DNAI3: variants seen among roughly 807,000 people sequenced by gnomAD.
The protein encoded by DNAI3 is WD repeat domain 63.
DNAI3 carries 83 observed loss-of-function variants against 115.5 expected under a neutral mutation model. The ratio of observed to expected loss-of-function variants is 0.72; its 90% CI spans 0.60 to 0.86. The LOEUF is 0.86. DNAI3 is among the 40% of genes least tolerant of loss of function. The pLI is 0.00. For missense variants in DNAI3, 1,004 were observed against 1,075.8 expected (o/e 0.93, Z 0.93); for synonymous variants, 320 against 347.0 (o/e 0.92, Z 0.86).
At chr1:85,130,894 T>A (rs900745603) in intron 22 of DNAI3, among the ~76,000 whole-genome samples, 2 of 152,194 alleles carry the variant, frequency 1.3e-5, no homozygotes, top group Non-Finnish European at 2.9e-5. Flanking sequence ...TTCTCCCTGT[T>A]TGATACGAAT....
At chr1:85,100,803 A>G (rs1459869436) in intron 13 of DNAI3, among the ~76,000 whole-genome samples, 1 of 152,228 alleles carries the variant, frequency 6.6e-6, no homozygotes. Flanking sequence ...ATAAAAAATG[A>G]TGAGTTCATG....
chr1:85,126,611 G>C lies in DNAI3; in HGVS notation c.2213G>C (p.Gly738Ala). Residue 738 changes from glycine to alanine, a missense_variant, in exon 20 of 23, where the codon GGA (glycine) becomes GCA (alanine). By Grantham distance (60) the Gly-to-Ala change is moderately conservative. Transcript: ENST00000294664. Reference sequence around the variant, plus strand: ...GTTTTCTACATCGGCCGAGAAGATGGATACATTGATATCTGGGACCTTCTG... The same window carrying C: ...GTTTTCTACATCGGCCGAGAAGATGCATACATTGATATCTGGGACCTTCTG... ...PGVFYIGRED[G>A]YIDIWDLLEK... The C allele has an allele frequency of 6.2e-7, 1 of 1,614,156 alleles. No individual in the cohort carries two copies. Among genetic ancestry groups the C allele is most frequent in the Non-Finnish European group, 8.5e-7 (1 of 1,180,008 alleles).
chr1:85,079,901 T>C (rs1571161047), intron 3 of DNAI3, among the ~76,000 whole-genome samples: 1 of 151,790 alleles, frequency 6.6e-6, no homozygotes, highest in Non-Finnish European at 1.5e-5. Context: ...TGTCCAAGGG[T>C]TTATTAATAC....
chr1:85,114,667 G>A (rs1032605627), intron 16 of DNAI3, among the ~76,000 whole-genome samples: 15 of 152,292 alleles, frequency 9.8e-5, no homozygotes, highest in African/African-American at 2.9e-4. Context: ...TCACACTGCC[G>A]ACTATCCGCC....
At chr1:85,094,375 AC>A (rs2100581885) in intron 9 of DNAI3, 55 bp from the exon 10 acceptor site, 5 of 1,603,132 alleles carry the variant, frequency 3.1e-6, no homozygotes, top group Admixed American at 1.7e-5. Context: ...AAAGCTAGAG[AC>A]ATCTCTCCAT....
In DNAI3 at chr1:85,085,834, A is replaced by G; in HGVS notation, c.544A>G (p.Thr182Ala). Reference protein sequence around the residue: ...ESVTESTKQITYMISRKRSEF... With the variant: ...ESVTESTKQIAYMISRKRSEF... ...TTACTGTTTACATGTGTTACAGATT[A>G]CATATATGATTTCTCGAAAACGAAG... The change falls in exon 7 of 23, where the codon ACA becomes GCA. Residue 182 changes from threonine (T) to alanine (A), a missense_variant. Physicochemically the swap from Thr to Ala is moderately conservative, Grantham distance 58 (BLOSUM62 0). This residue lies in a region of DNAI3 where 550 missense variants were observed against 568.1 expected (regional missense o/e 0.97). Transcript: ENST00000294664. The G allele has an allele frequency of 6.2e-7, 1 of 1,613,676 alleles. No homozygotes were observed. The highest frequency in any genetic ancestry group is 1.3e-5 in the African/African-American group (1 of 75,044).
intron 11 of DNAI3, 99 bp downstream of exon 11, chr1:85,096,119 C>A: frequency 9.1e-7 from 1 of 1,095,864 alleles, no homozygotes; most frequent in Non-Finnish European, 1.4e-6. Flanking sequence ...TTCAATTCAG[C>A]AGAAGGAAGG....
chr1:85,117,852 G>C lies in DNAI3; in HGVS notation c.1910G>C (p.Gly637Ala), dbSNP rs752696977. The C allele has an allele frequency of 6.2e-6, 10 of 1,611,884 alleles. No individual in the cohort carries two copies. In the South Asian group the frequency reaches 8.8e-5, roughly 14 times the overall value. ...IDDFCTKFFVGTEEGEVIYTD... is the reference protein window; with the variant it reads ...IDDFCTKFFVATEEGEVIYTD... ...GACTTCTGCACAAAGTTCTTTGTGG[G>C]AACAGAGGTAAATTGGGATTATCTG... Residue 637 changes from glycine to alanine, a missense_variant, in exon 17 of 23, where the codon GGA becomes GCA. Coordinates refer to ENST00000294664, the MANE Select transcript of DNAI3 (RefSeq NM_145172.5).
chr1:85,083,574 A>G (rs938335620), intron 5 of DNAI3, among the ~76,000 whole-genome samples: 7 of 152,144 alleles, frequency 4.6e-5, no homozygotes, highest in Admixed American at 6.5e-5. Context: ...TTTTATTTTT[A>G]TGATTGTTGT....
At chr1:85,076,871 TAGGC>T (rs1654471943) in intron 3 of DNAI3, among the ~76,000 whole-genome samples, 1 of 152,176 alleles carries the variant, frequency 6.6e-6, no homozygotes, top group South Asian at 2.1e-4. Flanking sequence ...GCTTTGGAAT[TAGGC>T]AGACCTGGTT....
At chr1:85,100,101 CA>C (rs201725283) in intron 13 of DNAI3, among the ~76,000 whole-genome samples, 50,453 of 151,888 alleles carry the variant, frequency 0.33, 8,790 homozygotes, top group South Asian at 0.42. Context: ...GCAATGGCAA[CA>C]AAAGCCAAAA....
intron 16 of DNAI3, among the ~76,000 whole-genome samples, chr1:85,116,348 C>A (rs1655815747): frequency 6.6e-6 from 1 of 152,220 alleles, no homozygotes; most frequent in Non-Finnish European, 1.5e-5. Flanking sequence ...TTTTCCTTTA[C>A]ATTTATCGCA....
chr1:85,102,947 C>A (rs973947176), intron 13 of DNAI3, among the ~76,000 whole-genome samples: 4 of 152,138 alleles, frequency 2.6e-5, no homozygotes, highest in Admixed American at 2.0e-4. Context: ...GGGTCTCTGA[C>A]TTCATTATAG....
At chr1:85,128,613 G>A (rs1656219185) in intron 20 of DNAI3, 95 bp from the exon 21 acceptor site, 3 of 973,776 alleles carry the variant, frequency 3.1e-6, no homozygotes, top group East Asian at 2.5e-5. Context: ...AGGTCCTTTG[G>A]GAGAACACAA....
chr1:85,071,862 G>A, intron 1 of DNAI3, 66 bp from the exon 2 acceptor site: 8 of 1,383,082 alleles, frequency 5.8e-6, no homozygotes, highest in Non-Finnish European at 8.1e-6. Context: ...ATAATGTTTA[G>A]TATTTGAAAT....
chr1:85,120,175 G>A (rs917029033), intron 17 of DNAI3, among the ~76,000 whole-genome samples: 33 of 152,332 alleles, frequency 2.2e-4, no homozygotes, highest in African/African-American at 7.5e-4. Context: ...CTGGCCTCAT[G>A]GTGTTGGCAG....
chr1:85,125,916 G>A (rs79798916), intron 19 of DNAI3, among the ~76,000 whole-genome samples: 7,932 of 152,282 alleles, frequency 0.052, 271 homozygotes, highest in East Asian at 0.15. Context: ...CCCCATGGTA[G>A]AGAAAAGAGA....
chr1:85,070,229 C>A (rs1654227548), intron 1 of DNAI3, among the ~76,000 whole-genome samples: 1 of 151,952 alleles, frequency 6.6e-6, no homozygotes, highest in Non-Finnish European at 1.5e-5. Flanking sequence ...CCACTGCACT[C>A]CAGCCTGGGC....
intron 8 of DNAI3, among the ~76,000 whole-genome samples, chr1:85,092,075 A>C (rs973825422): frequency 6.6e-6 from 1 of 152,158 alleles, no homozygotes; most frequent in Non-Finnish European, 1.5e-5. Flanking sequence ...TTCAATGTTC[A>C]GTGTGCTTAT....
Sources: gnomAD v4.1 joint callset for allele counts (sites outside exome capture counted in the v4.1 genomes callset) on GRCh38, gnomAD v4.1.1 for gene constraint, gnomAD v4.1.1 regional missense constraint, MANE v1.5 for transcripts, NCBI Gene and HGNC (gene_info 2026-07-23, HGNC 2026-07-21) for gene names.